The following GPC5 variants were observed in gnomAD, a reference collection of about 807,000 sequenced individuals.
GPC5 encodes the protein glypican 5.
GPC5 carries 47 observed loss-of-function variants against 53.9 expected under a neutral mutation model. That is an observed-to-expected ratio of 0.87 (90% confidence interval 0.69 to 1.11). The LOEUF is 1.11. GPC5 is among the 50% of genes most tolerant of loss of function. The pLI is 0.00. For missense variants in GPC5, 748 were observed against 713.1 expected, an observed-to-expected ratio of 1.05 and a Z score of -0.56; for synonymous variants, 286 against 263.3, an observed-to-expected ratio of 1.09 and a Z score of -0.84.
At chr13:92,507,097 A>T (rs1369884190) in intron 7 of GPC5, among the ~76,000 whole-genome samples, 2 of 152,094 alleles carry the variant, frequency 1.3e-5, no homozygotes, top group African/African-American at 4.8e-5. Context: ...TACTCACCAT[A>T]ATCATTTCTA....
chr13:92,744,437 G>T (rs1038492510), intron 7 of GPC5, among the ~76,000 whole-genome samples: 1 of 151,356 alleles, frequency 6.6e-6, no homozygotes, highest in Non-Finnish European at 1.5e-5. Context: ...TTATGGAATT[G>T]ATATAATTTA....
intron 7 of GPC5, among the ~76,000 whole-genome samples, chr13:92,521,910 A>T (rs893610657): frequency 3.9e-5 from 6 of 152,134 alleles, no homozygotes; most frequent in African/African-American, 1.2e-4. Context: ...GAATCTACAA[A>T]GAACTCAAAC....
intron 7 of GPC5, among the ~76,000 whole-genome samples, chr13:92,378,805 A>G (rs1364273569): frequency 6.6e-6 from 1 of 152,134 alleles, no homozygotes; most frequent in Non-Finnish European, 1.5e-5. Flanking sequence ...CAAGTGTATA[A>G]TATAGTTTAT....
intron 7 of GPC5, among the ~76,000 whole-genome samples, chr13:92,659,966 C>A (rs1220385140): frequency 6.6e-6 from 1 of 152,168 alleles, no homozygotes; most frequent in East Asian, 1.9e-4. Context: ...GGAGCCACTG[C>A]TTGTATATGA....
At chr13:92,485,491 A>G (rs945205361) in intron 7 of GPC5, among the ~76,000 whole-genome samples, 1 of 152,166 alleles carries the variant, frequency 6.6e-6, no homozygotes, top group Non-Finnish European at 1.5e-5. Flanking sequence ...GTTCATCAAG[A>G]GTAGAAAAAA....
chr13:92,355,524 C>T (rs555713584), intron 7 of GPC5, among the ~76,000 whole-genome samples: 1 of 152,142 alleles, frequency 6.6e-6, no homozygotes, highest in South Asian at 2.1e-4. Flanking sequence ...TCATATGTTC[C>T]CCTCATTTTT....
chr13:91,446,971 G>T (rs769700693), intron 1 of GPC5, among the ~76,000 whole-genome samples: 5 of 152,218 alleles, frequency 3.3e-5, no homozygotes, highest in Admixed American at 6.5e-5. Flanking sequence ...AGAGAGCTTG[G>T]TGAACACAGA....
At chr13:92,829,743 C>G (rs1165041427) in intron 7 of GPC5, among the ~76,000 whole-genome samples, 3 of 152,120 alleles carry the variant, frequency 2.0e-5, no homozygotes, top group South Asian at 2.1e-4. Flanking sequence ...GGATAACTCA[C>G]AGCTGTCTAT....
At chr13:92,744,360 A>G (rs1185178657) in intron 7 of GPC5, among the ~76,000 whole-genome samples, 1 of 152,100 alleles carries the variant, frequency 6.6e-6, no homozygotes, top group African/African-American at 2.4e-5. Flanking sequence ...TAACCATTCA[A>G]TAGAAGGTAA....
intron 5 of GPC5, among the ~76,000 whole-genome samples, chr13:91,798,930 C>G (rs555570864): frequency 3.2e-4 from 48 of 152,298 alleles, no homozygotes; most frequent in African/African-American, 1.1e-3. Context: ...AAGATGGTGT[C>G]TCACTGTGAT....
chr13:92,118,830 A>G (rs766389283), intron 6 of GPC5, among the ~76,000 whole-genome samples: 3 of 152,232 alleles, frequency 2.0e-5, no homozygotes, highest in African/African-American at 4.8e-5. Flanking sequence ...GGCTGGTGCC[A>G]TAAGTCTATA....
chr13:91,870,261 C>A (rs908341041), intron 5 of GPC5, among the ~76,000 whole-genome samples: 1 of 152,078 alleles, frequency 6.6e-6, no homozygotes, highest in African/African-American at 2.4e-5. Context: ...GCTTCAAGAA[C>A]AAGAGAATGG....
At chr13:92,494,651 A>T (rs1566615486) in intron 7 of GPC5, among the ~76,000 whole-genome samples, 1 of 152,128 alleles carries the variant, frequency 6.6e-6, no homozygotes, top group Non-Finnish European at 1.5e-5. Context: ...AAAAATATAT[A>T]TTGCATTAGT....
chr13:91,756,584 C>T (rs1005209406), intron 5 of GPC5, 164 bp downstream of exon 5: 56 of 522,418 alleles, frequency 1.1e-4, no homozygotes, highest in Non-Finnish European at 1.6e-4. Flanking sequence ...ACAACAAAAC[C>T]TGATCCTTTT....
intron 6 of GPC5, among the ~76,000 whole-genome samples, chr13:92,079,940 A>G (rs2138878834): frequency 6.6e-6 from 1 of 152,250 alleles, no homozygotes; most frequent in African/African-American, 2.4e-5. Context: ...ATTGTATGCA[A>G]GTCTTTGTAT....
chr13:91,716,957 TG>T (rs1225657531), intron 3 of GPC5, among the ~76,000 whole-genome samples: 1 of 152,208 alleles, frequency 6.6e-6, no homozygotes, highest in African/African-American at 2.4e-5. Context: ...TGGTAGTTAC[TG>T]AGAACAACTG....
intron 7 of GPC5, among the ~76,000 whole-genome samples, chr13:92,637,672 C>T (rs1790614540): frequency 6.6e-6 from 1 of 152,078 alleles, no homozygotes; most frequent in African/African-American, 2.4e-5. Flanking sequence ...CAGAATAAAG[C>T]TTAACTATTC....
intron 2 of GPC5, among the ~76,000 whole-genome samples, chr13:91,610,539 C>A (rs946232793): frequency 6.6e-6 from 1 of 152,140 alleles, no homozygotes; most frequent in Non-Finnish European, 1.5e-5. Flanking sequence ...CAGCATTCCA[C>A]CAGGAATTCA....
At chr13:92,642,977 C>G (rs1885643451) in intron 7 of GPC5, among the ~76,000 whole-genome samples, 1 of 152,176 alleles carries the variant, frequency 6.6e-6, no homozygotes, top group South Asian at 2.1e-4. Context: ...CTCTTGAAAA[C>G]TTGAGTAAGA....
Sources: gnomAD v4.1 joint callset for allele counts (sites outside exome capture counted in the v4.1 genomes callset) on GRCh38, gnomAD v4.1.1 for gene constraint, MANE v1.5 for transcripts, NCBI Gene and HGNC (gene_info 2026-07-23, HGNC 2026-07-21) for gene names.